RAD54L2: variants seen among roughly 807,000 people sequenced by gnomAD.
RAD54L2 encodes the protein helicase ARIP4.
RAD54L2 carries 27 observed loss-of-function variants against 138.4 expected under a neutral mutation model. The ratio of observed to expected loss-of-function variants is 0.20; its 90% CI spans 0.14 to 0.27. The LOEUF (loss-of-function observed/expected upper bound fraction) is 0.27, where lower values mean the gene tolerates loss of function less well. Ranked by LOEUF, RAD54L2 falls within the 10% of genes least tolerant of loss-of-function variation. The probability of loss-of-function intolerance (pLI) is 1.00; values close to 1 mark genes in which losing one functional copy is unlikely to be tolerated. For synonymous variants in RAD54L2, 644 were observed against 723.2 expected, an observed-to-expected ratio of 0.89 and a Z score of 1.76; for missense variants, 1,396 against 1,890.2, an observed-to-expected ratio of 0.74 and a Z score of 4.85.
chr3:51,560,362 C>CTT (rs61485263), intron 2 of RAD54L2, among the ~76,000 whole-genome samples: 20 of 138,716 alleles, frequency 1.4e-4, no homozygotes, highest in Admixed American at 3.0e-4. Context: ...TCTTTTTTTT[C>CTT]TTTTTTTTTT....
chr3:51,597,717 A>G (rs1414734187), intron 3 of RAD54L2, among the ~76,000 whole-genome samples: 5 of 152,062 alleles, frequency 3.3e-5, no homozygotes, highest in Non-Finnish European at 7.4e-5. Flanking sequence ...AGTCTCAGCT[A>G]CTTGGGAGGC....
At chr3:51,631,507 ATTT>A (rs1163836924) in intron 7 of RAD54L2, among the ~76,000 whole-genome samples, 1 of 133,984 alleles carries the variant, frequency 7.5e-6, no homozygotes. Flanking sequence ...CACCCAGCCA[ATTT>A]TTTTTTTTTT....
rs1701255636 is a variant in RAD54L2, at chr3:51,645,486, A to G, written c.2657-105A>G. On this transcript the variant is annotated intron_variant, in intron 17 of 22. Transcript: ENST00000684192. This position sits in a 1 kb window ranked among gnomAD's most constrained non-coding sequence, Gnocchi z 6.1. ...ATGTTTCCAGTGTCACCAGCACCTC[A>G]GACCTAGTCTTTGACTTTCAGATAT... 3 of 1,221,480 alleles carry G rather than the reference A, an allele frequency of 2.5e-6. No homozygotes were observed. Among genetic ancestry groups the G allele is most frequent in the Non-Finnish European group, 3.4e-6 (3 of 885,276 alleles). 75.7% of individuals were successfully genotyped at this position (1,221,480 alleles called of 1,614,324 possible). A position where few individuals can be genotyped will look rare whatever the true frequency, so the allele number is the denominator to read the frequency against.
At chr3:51,633,848 T>G (rs916326454) in intron 8 of RAD54L2, 54 bp from the exon 9 acceptor site, 2 of 1,605,656 alleles carry the variant, frequency 1.2e-6, no homozygotes, top group African/African-American at 2.7e-5. Context: ...CTTGATGAGC[T>G]CAGCTCTGAG....
At chr3:51,597,181 A>C (rs1379625902) in intron 3 of RAD54L2, among the ~76,000 whole-genome samples, 1 of 151,254 alleles carries the variant, frequency 6.6e-6, no homozygotes, top group East Asian at 1.9e-4. Context: ...AAAAAAAAAA[A>C]AAAAAAAACC....
At chr3:51,612,964 G>A (rs550184951) in intron 3 of RAD54L2, among the ~76,000 whole-genome samples, 25 of 151,920 alleles carry the variant, frequency 1.6e-4, no homozygotes, top group Non-Finnish European at 3.1e-4. Context: ...TTTTTGAGAC[G>A]AGTCTCGCTC....
At chr3:51,614,399 A>T (rs1224661725) in intron 3 of RAD54L2, among the ~76,000 whole-genome samples, 2 of 151,938 alleles carry the variant, frequency 1.3e-5, no homozygotes, top group Non-Finnish European at 2.9e-5. Flanking sequence ...CCTGACCTCA[A>T]GCGATCTTTC....
chr3:51,637,329 G>A lies in RAD54L2; in HGVS notation c.1508G>A (p.Trp503Ter). The part of the protein sequence containing the change: ...YPLQNNLIEY[W>*]CMVDFVRPDF... ...CTGCAAAACAACCTCATTGAGTACT[G>A]GTGCATGGTGGACTTTGTGCGCCCA... is the stretch of plus-strand genomic sequence containing the variant. Residue 503 changes from tryptophan (W) to a stop codon, truncating the protein, a stop_gained, in exon 11 of 23, where the codon TGG (tryptophan) becomes TAG (stop). Coordinates refer to ENST00000684192, the MANE Select transcript of RAD54L2 (RefSeq NM_015106.4). LOFTEE classifies it high-confidence loss of function. This position sits in a 1 kb window ranked among gnomAD's most constrained non-coding sequence, Gnocchi z 5.9. 1 of 1,613,626 alleles carries A rather than the reference G, an allele frequency of 6.2e-7. No homozygotes were observed. The highest frequency in any genetic ancestry group is 8.5e-7 in the Non-Finnish European group (1 of 1,179,762).
In RAD54L2 at chr3:51,635,682, C is replaced by G. The variant is rs762805153; in HGVS notation, c.1232C>G (p.Thr411Ser). The G allele has an allele frequency of 1.2e-6, 2 of 1,613,894 alleles. No individual in the cohort carries two copies. Among genetic ancestry groups the G allele is most frequent in the South Asian group, 1.1e-5 (1 of 91,056 alleles). Residue 411 changes from threonine to serine, a missense_variant, in exon 10 of 23, where the codon ACT (threonine) becomes AGT (serine). Physicochemically the swap from Thr to Ser is moderately conservative, Grantham distance 58. Coordinates refer to ENST00000684192, the MANE Select transcript of RAD54L2 (RefSeq NM_015106.4). ...GGGTACGAGATGTACAGACTCCTCA[C>G]TCTGAAGAAATCATTTGCCACAGGT... is the stretch of plus-strand genomic sequence containing the variant. The part of the protein sequence containing the change: ...LMGYEMYRLL[T>S]LKKSFATGRP...
At chr3:51,582,481 G>A (rs1363086421) in intron 2 of RAD54L2, among the ~76,000 whole-genome samples, 1 of 152,028 alleles carries the variant, frequency 6.6e-6, no homozygotes, top group Non-Finnish European at 1.5e-5. Context: ...TTTCTAGAGG[G>A]TGGAGCAGTG....
At position 51,662,460 on chromosome 3, in the gene RAD54L2, C is replaced by A; in HGVS notation, c.3444C>A (p.Asn1148Lys). 2 of 1,552,384 alleles carry A rather than the reference C, an allele frequency of 1.3e-6. No homozygotes were observed. The highest frequency in any genetic ancestry group is 1.7e-6 in the Non-Finnish European group (2 of 1,150,150). Residue 1148 changes from asparagine to lysine, a missense_variant, in exon 23 of 23, where the codon AAC (asparagine) becomes AAA (lysine). Around this residue, in one of 7 missense-constraint regions of RAD54L2, gnomAD observed 634 missense variants for 711.2 expected, o/e 0.89. Transcript: ENST00000684192. The surrounding 1 kb of genome is among the most constrained non-coding windows in gnomAD (Gnocchi z 4.6). The stretch of plus-strand genomic sequence containing the variant: ...GACCTTCTTGCGAGTCCACAAGCAA[C>A]GGCAGACACAGTGCCTCATCACCCA... ...SQGPSCESTS[N>K]GRHSASSPKA...
At chr3:51,622,005 C>T (rs939799942) in intron 3 of RAD54L2, among the ~76,000 whole-genome samples, 1 of 152,172 alleles carries the variant, frequency 6.6e-6, no homozygotes, top group South Asian at 2.1e-4. Context: ...AAGAAGTTGA[C>T]AGCAGTATTA....
chr3:51,551,802 G>T (rs1383735049), intron 2 of RAD54L2, among the ~76,000 whole-genome samples: 1 of 145,040 alleles, frequency 6.9e-6, no homozygotes, highest in African/African-American at 2.6e-5. Flanking sequence ...CGCCAGGCTG[G>T]AGTGCAGTGG....
intron 3 of RAD54L2, among the ~76,000 whole-genome samples, chr3:51,591,437 G>A (rs922590553): frequency 4.6e-5 from 7 of 152,246 alleles, no homozygotes; most frequent in South Asian, 2.1e-4. Context: ...TACTCCTGCC[G>A]TTCTCCAGAT....
chr3:51,565,836 C>CTTT (rs369474676), intron 2 of RAD54L2, among the ~76,000 whole-genome samples: 7 of 136,012 alleles, frequency 5.1e-5, no homozygotes, highest in Non-Finnish European at 9.4e-5. Flanking sequence ...CCACCCCCCC[C>CTTT]TTTTTTTTTT....
intron 3 of RAD54L2, among the ~76,000 whole-genome samples, chr3:51,604,420 A>T (rs1164309768): frequency 6.6e-6 from 1 of 152,184 alleles, no homozygotes; most frequent in Non-Finnish European, 1.5e-5. Flanking sequence ...GGTATAGTAC[A>T]TGTGTGGATC....
chr3:51,658,881 A>T (rs1701676956), intron 21 of RAD54L2, among the ~76,000 whole-genome samples: 1 of 152,056 alleles, frequency 6.6e-6, no homozygotes, highest in Non-Finnish European at 1.5e-5. Flanking sequence ...TATCTGCGAG[A>T]TAAGAATGGG....
chr3:51,627,707 C>G lies in RAD54L2; in HGVS notation c.294C>G (p.Pro98=). 1 of 1,613,718 alleles carries G rather than the reference C, an allele frequency of 6.2e-7. No individual in the cohort carries two copies. The highest frequency in any genetic ancestry group is 2.2e-5 in the East Asian group (1 of 44,852). Residue 98 remains proline (P), a synonymous_variant, in exon 4 of 23, where the codon CCC becomes CCG. Coordinates refer to ENST00000684192, the MANE Select transcript of RAD54L2 (RefSeq NM_015106.4). The part of the protein sequence containing the change: ...HQGKNLASED[P]KKKRAQKPSH... ...GCAAGAACCTAGCCTCCGAGGACCC[C>G]AAAAAGAAGAGAGCTCAGAAGCCCT...
At chr3:51,541,785 A>C (rs1411576446) in intron 2 of RAD54L2, 135 bp downstream of exon 2, 2 of 152,204 alleles carry the variant, frequency 1.3e-5, no homozygotes, top group African/African-American at 4.8e-5. Context: ...TTTGCTGTCT[A>C]TCTCTCTGTG....
Sources: gnomAD v4.1 joint callset for allele counts (sites outside exome capture counted in the v4.1 genomes callset) on GRCh38, gnomAD v4.1.1 for gene constraint, gnomAD v4.1.1 regional missense constraint, Gnocchi (gnomAD v3.1) non-coding constraint, MANE v1.5 for transcripts, NCBI Gene and HGNC (gene_info 2026-07-23, HGNC 2026-07-21) for gene names.